Variants in FAM13B observed in about 807,000 individuals in gnomAD.
FAM13B encodes protein FAM13B.
In FAM13B, 60 loss-of-function variants were observed where a neutral mutation model predicts 117.3. The ratio of observed to expected loss-of-function variants is 0.51; its 90% confidence interval spans 0.42 to 0.63. The LOEUF is 0.63. Among genes scored for constraint, FAM13B ranks in the 30% least tolerant of loss-of-function variants. The probability of loss-of-function intolerance (pLI) is 0.00; values close to 1 mark genes in which losing one functional copy is unlikely to be tolerated. For synonymous variants in FAM13B, 332 were observed against 356.1 expected, an observed-to-expected ratio of 0.93 and a Z score of 0.76; for missense variants, 972 against 1,091.9, an observed-to-expected ratio of 0.89 and a Z score of 1.55.
rs779204330 is a variant in FAM13B, at chr5:137,960,226, A to C, written c.1245-12T>G. 9 of 1,447,068 alleles carry C rather than the reference A, an allele frequency of 6.2e-6. No individual in the cohort carries two copies. The Admixed American group carries it at 1.5e-4, about 25-fold the overall frequency. 89.6% of individuals were successfully genotyped at this position (1,447,068 alleles called of 1,614,324 possible). A position where few individuals can be genotyped will look rare whatever the true frequency, so the allele number is the denominator to read the frequency against. On this transcript the variant is annotated splice_polypyrimidine_tract_variant and intron_variant, in intron 11 of 23. Coordinates refer to ENST00000689681, the MANE Select transcript of FAM13B (RefSeq NM_001385994.1). Reference sequence around the variant, plus strand: ...ACAAATATTCTTCCCTAAAAATACAAGTAAAGTTGTTAGTATATTAAGAAT... The same window carrying C: ...ACAAATATTCTTCCCTAAAAATACACGTAAAGTTGTTAGTATATTAAGAAT...
chr5:138,033,459 G>A (rs867106229), upstream of FAM13B, among the ~76,000 whole-genome samples: 12 of 152,366 alleles, frequency 7.9e-5, no homozygotes, highest in South Asian at 1.7e-3. Context: ...AACCGCTGGG[G>A]GAGACCTAAG....
chr5:137,949,157 T>C lies in FAM13B; in HGVS notation c.1958A>G (p.Glu653Gly), dbSNP rs753660338. The C allele has an allele frequency of 6.2e-7, 1 of 1,614,036 alleles. No homozygotes were observed. The highest frequency in any genetic ancestry group is 8.5e-7 in the Non-Finnish European group (1 of 1,180,004). Residue 653 changes from glutamate to glycine, a missense_variant, in exon 18 of 24, where the codon GAA (glutamate) becomes GGA (glycine). By Grantham distance (98) the Glu-to-Gly change is moderately conservative (BLOSUM62 -2). Transcript: ENST00000689681. ...ACGTGGACGTGTCTGAGGTACAAAT[T>C]CTCCATCAGAATTTTTGTGTTTTGC... Reference protein sequence around the residue: ...KDAKHKNSDGEFVPQTRPRSN... With the variant: ...KDAKHKNSDGGFVPQTRPRSN...
At chr5:137,979,174 C>T (rs182094148) in intron 10 of FAM13B, among the ~76,000 whole-genome samples, 14 of 151,882 alleles carry the variant, frequency 9.2e-5, no homozygotes, top group East Asian at 1.9e-4. Flanking sequence ...CATCATGCCC[C>T]GCTAATTTTT....
chr5:137,952,552 G>GT (rs1439809673), intron 17 of FAM13B, 76 bp downstream of exon 17: 1 of 906,712 alleles, frequency 1.1e-6, no homozygotes, highest in Non-Finnish European at 1.7e-6. Flanking sequence ...ATCAAAAGTT[G>GT]TATTTGTGAT....
rs1346827389 is a variant in FAM13B at position 137,946,218 on chromosome 5, G to C, written c.2244+10C>G. The C allele has an allele frequency of 7.0e-6, 11 of 1,571,568 alleles. No homozygotes were observed. Among genetic ancestry groups the C allele is most frequent in the Non-Finnish European group, 6.9e-6 (8 of 1,160,922 alleles). ...ATAAAATCAAATCTTTTTAGCAAGA[G>C]AGATATTACCGGCCTTCCATGTTGA... On this transcript the variant is annotated intron_variant, in intron 19 of 23. Coordinates refer to ENST00000689681, the MANE Select transcript of FAM13B (RefSeq NM_001385994.1).
At chr5:137,982,233 G>A (rs888553448) in intron 10 of FAM13B, among the ~76,000 whole-genome samples, 2 of 152,084 alleles carry the variant, frequency 1.3e-5, no homozygotes, top group African/African-American at 2.4e-5. Flanking sequence ...AGTAAAAAGT[G>A]GTCAGACTTA....
intron 7 of FAM13B, among the ~76,000 whole-genome samples, chr5:138,002,283 C>T (rs1781460426): frequency 1.3e-5 from 2 of 152,174 alleles, no homozygotes; most frequent in Admixed American, 6.5e-5. Flanking sequence ...TATCCCAACA[C>T]TTTGAAAGGC....
intron 7 of FAM13B, among the ~76,000 whole-genome samples, chr5:137,996,636 A>C (rs72801648): frequency 6.6e-6 from 1 of 151,890 alleles, no homozygotes; most frequent in South Asian, 2.1e-4. Flanking sequence ...CCTGTCGCCC[A>C]GACTGGAGTG....
At chr5:138,014,746 C>T (rs1164955872) in intron 4 of FAM13B, among the ~76,000 whole-genome samples, 3 of 152,172 alleles carry the variant, frequency 2.0e-5, no homozygotes, top group Non-Finnish European at 4.4e-5. Context: ...AAATACTATC[C>T]ACATTATCCA....
upstream of FAM13B, among the ~76,000 whole-genome samples, chr5:138,034,882 G>A (rs1479154061): frequency 4.0e-5 from 6 of 150,528 alleles, no homozygotes; most frequent in Admixed American, 6.6e-5. Context: ...AACCTCCTCC[G>A]CCTGCCCCAC....
chr5:138,043,284 T>TG (rs951497168), intron 1 of FAM13B, among the ~76,000 whole-genome samples: 1 of 152,058 alleles, frequency 6.6e-6, no homozygotes, highest in African/African-American at 2.4e-5. Context: ...GAGGATTGCT[T>TG]GAGGCCAGGT....
At chr5:137,968,003 CA>C (rs1770610111) in intron 10 of FAM13B, among the ~76,000 whole-genome samples, 1 of 152,090 alleles carries the variant, frequency 6.6e-6, no homozygotes. Flanking sequence ...GAGGGCGGAT[CA>C]CGAAGTCAGG....
chr5:137,986,356 T>C (rs905662736), intron 9 of FAM13B, among the ~76,000 whole-genome samples: 5 of 151,532 alleles, frequency 3.3e-5, no homozygotes, highest in Admixed American at 6.6e-5. Context: ...AAAAAACCAC[T>C]CCCCAATTAT....
At position 137,954,210 on chromosome 5, in the gene FAM13B, A is replaced by G. The variant is rs141710910; in HGVS notation, c.1674T>C (p.Asp558=). Residue 558 remains aspartate, a synonymous_variant, in exon 15 of 24, where the codon GAT becomes GAC. Coordinates refer to ENST00000689681, the MANE Select transcript of FAM13B (RefSeq NM_001385994.1). ...TAGATGAGGAATCCAACTTTTCTGG[A>G]TCATGTAGGAAACGCTGGCTTTGAC... ...DFGQSQRFLH[D]PEKLDSSSKA... 9 of 1,614,066 alleles carry G rather than the reference A, an allele frequency of 5.6e-6. No homozygotes were observed. The highest frequency in any genetic ancestry group is 6.8e-6 in the Non-Finnish European group (8 of 1,180,008).
At chr5:137,982,964 A>G (rs1397347613) in intron 10 of FAM13B, among the ~76,000 whole-genome samples, 3 of 152,126 alleles carry the variant, frequency 2.0e-5, no homozygotes, top group South Asian at 4.1e-4. Context: ...ATAGCAATCT[A>G]AAGTTCCAAA....
intron 7 of FAM13B, among the ~76,000 whole-genome samples, chr5:137,996,684 C>A (rs1424560044): frequency 6.6e-6 from 1 of 152,080 alleles, no homozygotes; most frequent in African/African-American, 2.4e-5. Context: ...CTCCACCTTC[C>A]GCGTTCAAGC....
At position 137,970,485 on chromosome 5, in the gene FAM13B, G is replaced by A. The variant is rs1007480069; in HGVS notation, c.1180-8016C>T. Among the ~76,000 whole-genome samples the A allele has an allele frequency of 2.1e-4, 32 of 151,900 alleles. 1 individual carries two copies. Among genetic ancestry groups the A allele is most frequent in the African/African-American group, 4.1e-4 (17 of 41,412 alleles). ...GCGCTAAACATGGAAAGGAACAACC[G>A]GTACCAGCCACTGCAAAATCATGCC... On this transcript the variant is annotated intron_variant, in intron 10 of 23. Transcript: ENST00000689681.
chr5:138,028,652 G>T (rs1232724650), intron 1 of FAM13B, among the ~76,000 whole-genome samples: 1 of 152,176 alleles, frequency 6.6e-6, no homozygotes, highest in Non-Finnish European at 1.5e-5. Context: ...GGATGCTGAG[G>T]TGGGCAGATC....
chr5:137,997,898 G>A (rs1780250526), intron 7 of FAM13B, among the ~76,000 whole-genome samples: 1 of 152,116 alleles, frequency 6.6e-6, no homozygotes, highest in Non-Finnish European at 1.5e-5. Context: ...CTTAAATTGG[G>A]AGGCCATCAG....
Sources: gnomAD v4.1 joint callset for allele counts (sites outside exome capture counted in the v4.1 genomes callset) on GRCh38, gnomAD v4.1.1 for gene constraint, MANE v1.5 for transcripts, NCBI Gene and HGNC (gene_info 2026-07-23, HGNC 2026-07-21) for gene names.